The following CPT1A variants were observed in gnomAD, a reference collection of about 807,000 sequenced individuals.
The protein encoded by CPT1A is carnitine palmitoyltransferase 1A, also known as carnitine O-palmitoyltransferase 1, liver isoform.
CPT1A carries 64 observed loss-of-function variants against 100.8 expected under a neutral mutation model. The ratio of observed to expected loss-of-function variants is 0.63; its 90% CI spans 0.52 to 0.78. CPT1A has a LOEUF of 0.78. Ranked by LOEUF, CPT1A falls within the 30% of genes least tolerant of loss-of-function variation. The pLI is 0.00. For missense variants in CPT1A, 802 were observed against 1,034.1 expected (o/e 0.78, Z 3.08); for synonymous variants, 363 against 396.0 (o/e 0.92, Z 0.99).
chr11:68,785,706 G>T, intron 9 of CPT1A: 1 of 312,518 alleles, frequency 3.2e-6, no homozygotes. Flanking sequence ...AGAATTAAGA[G>T]ACGATATCCG....
intron 11 of CPT1A, 73 bp downstream of exon 11, chr11:68,781,696 TGA>T: frequency 8.4e-7 from 1 of 1,196,070 alleles, no homozygotes; most frequent in Non-Finnish European, 1.3e-6. Flanking sequence ...TACTTAGGGG[TGA>T]GTGTCAGGCA....
At chr11:68,798,253 G>C (rs899096930) in intron 6 of CPT1A, among the ~76,000 whole-genome samples, 2 of 152,330 alleles carry the variant, frequency 1.3e-5, no homozygotes, top group Admixed American at 1.3e-4. Flanking sequence ...CGTACCTACA[G>C]AACAGTGCCC....
intron 1 of CPT1A, among the ~76,000 whole-genome samples, chr11:68,831,653 A>G (rs1856884351): frequency 9.5e-6 from 1 of 105,106 alleles, no homozygotes; most frequent in Non-Finnish European, 2.1e-5. Flanking sequence ...TTTTTTTTTG[A>G]GACGAAGTTT....
intron 9 of CPT1A, among the ~76,000 whole-genome samples, chr11:68,792,768 T>TCA (rs1263452347): frequency 1.3e-5 from 2 of 152,096 alleles, no homozygotes; most frequent in South Asian, 2.1e-4. Flanking sequence ...AAAAAAACAC[T>TCA]CAGCTGTGTG....
At chr11:68,760,754 T>C (rs1255331181) in intron 16 of CPT1A, among the ~76,000 whole-genome samples, 3 of 152,230 alleles carry the variant, frequency 2.0e-5, no homozygotes, top group Non-Finnish European at 4.4e-5. Flanking sequence ...GGTTCATGTC[T>C]GTAATCTCAG....
chr11:68,823,855 C>T (rs935836092), intron 1 of CPT1A, among the ~76,000 whole-genome samples: 9 of 152,038 alleles, frequency 5.9e-5, no homozygotes, highest in African/African-American at 1.9e-4. Flanking sequence ...AACTGGAGGC[C>T]TTTATCCTAA....
chr11:68,762,923 C>T (rs1034714193), intron 14 of CPT1A, among the ~76,000 whole-genome samples, 162 bp from the exon 15 acceptor site: 1 of 152,212 alleles, frequency 6.6e-6, no homozygotes, highest in Admixed American at 6.5e-5. Context: ...GTAGCATGAT[C>T]ACAGCTCACT....
chr11:68,833,696 C>T (rs545188278), intron 1 of CPT1A, among the ~76,000 whole-genome samples: 11 of 151,536 alleles, frequency 7.3e-5, no homozygotes, highest in South Asian at 2.1e-4. Context: ...GTCCCACCAC[C>T]GCACTCCAGC....
intron 3 of CPT1A, among the ~76,000 whole-genome samples, chr11:68,808,714 G>A (rs1431617062): frequency 2.0e-5 from 3 of 151,750 alleles, no homozygotes; most frequent in African/African-American, 7.3e-5. Context: ...GGTTGTTTTG[G>A]GAACTGCAAA....
rs771886992 is a variant in CPT1A at position 68,762,636 on chromosome 11, C to T, written c.1866G>A (p.Pro622=). 9.3e-6 allele frequency: 15 copies of T among 1,613,530 alleles called. No homozygotes were observed. Among genetic ancestry groups the T allele is most frequent in the Admixed American group, 3.3e-5 (2 of 59,984 alleles). ...CCTGATGGCACATTACCGTCTGGGC[C>T]GGGTCCACCATGGCCCGCACGAAGT... is the stretch of plus-strand genomic sequence containing the variant. The part of the protein sequence containing the change: ...SCDFVRAMVD[P]AQTVEQRLKL... The change falls in exon 15 of 19, where the codon CCG becomes CCA. Residue 622 remains proline, a synonymous_variant. Transcript: ENST00000265641.
chr11:68,811,805 T>C (rs925417164), intron 3 of CPT1A, among the ~76,000 whole-genome samples: 1 of 151,694 alleles, frequency 6.6e-6, no homozygotes, highest in Non-Finnish European at 1.5e-5. Context: ...GCAATAAACA[T>C]GTGCTATCAA....
intron 1 of CPT1A, among the ~76,000 whole-genome samples, chr11:68,831,553 TAATA>T (rs1386733740): frequency 1.3e-5 from 2 of 152,072 alleles, no homozygotes; most frequent in Non-Finnish European, 2.9e-5. Context: ...ATGGAGATAC[TAATA>T]GATAGGTGTG....
chr11:68,824,837 C>T (rs1042928849), intron 1 of CPT1A, among the ~76,000 whole-genome samples: 6 of 125,260 alleles, frequency 4.8e-5, no homozygotes, highest in African/African-American at 1.8e-4. Context: ...CTTGCTCTGT[C>T]GCCTAGGCTG....
intron 1 of CPT1A, among the ~76,000 whole-genome samples, chr11:68,828,768 G>A (rs909581068): frequency 6.6e-6 from 1 of 152,146 alleles, no homozygotes; most frequent in African/African-American, 2.4e-5. Context: ...GGCTGGTGGG[G>A]GCTCTGCCAC....
upstream of CPT1A, chr11:68,842,019 G>T: frequency 4.1e-6 from 4 of 964,522 alleles, no homozygotes; most frequent in African/African-American, 1.8e-5. Flanking sequence ...GGGGCTAGGA[G>T]GGGAGGGAAA....
At chr11:68,827,668 C>T (rs1856765448) in intron 1 of CPT1A, among the ~76,000 whole-genome samples, 2 of 152,100 alleles carry the variant, frequency 1.3e-5, no homozygotes, top group Non-Finnish European at 2.9e-5. Flanking sequence ...AGGTGCCCAG[C>T]CCTGCAAAAA....
upstream of CPT1A, among the ~76,000 whole-genome samples, chr11:68,842,536 G>T (rs1857182770): frequency 6.6e-6 from 1 of 152,212 alleles, no homozygotes; most frequent in Admixed American, 6.5e-5. Flanking sequence ...ACGAGTGGCA[G>T]TCATCGCGAT....
chr11:68,791,025 T>C (rs558429088), intron 9 of CPT1A, among the ~76,000 whole-genome samples: 60 of 152,292 alleles, frequency 3.9e-4, no homozygotes, highest in Admixed American at 3.5e-3. Flanking sequence ...GGTTTCACCA[T>C]GTTGGCCAGG....
At position 68,823,412 on chromosome 11, in the gene CPT1A, G is replaced by C. The variant is rs868059959; in HGVS notation, c.-13-7925C>G. Among the ~76,000 whole-genome samples, 9 of 152,118 alleles carry C rather than the reference G, an allele frequency of 5.9e-5. No homozygotes were observed. The South Asian group carries it at 1.9e-3, about 32-fold the overall frequency. On this transcript the variant is annotated intron_variant, in intron 1 of 18. Transcript: ENST00000265641. ...CTCTCCTCAAATATATGATGGTGGGGGTGGATATGTTATTATTTTCTTCCA... is the reference window on the plus strand; with the variant it reads ...CTCTCCTCAAATATATGATGGTGGGCGTGGATATGTTATTATTTTCTTCCA...
Sources: gnomAD v4.1 joint callset for allele counts (sites outside exome capture counted in the v4.1 genomes callset) on GRCh38, gnomAD v4.1.1 for gene constraint, MANE v1.5 for transcripts, NCBI Gene and HGNC (gene_info 2026-07-23, HGNC 2026-07-21) for gene names.